GEM: variants seen among roughly 807,000 people sequenced by gnomAD.
The protein encoded by GEM is GTP-binding protein GEM.
Under a neutral mutation model 33.0 loss-of-function variants are expected in GEM, and 31 were observed. The ratio of observed to expected loss-of-function variants is 0.94; its 90% CI spans 0.71 to 1.27. GEM has a LOEUF of 1.27. GEM is among the 50% of genes most tolerant of loss of function. The pLI, the probability that GEM is intolerant of heterozygous loss-of-function variation, is 0.00. For synonymous variants in GEM, 141 were observed against 143.7 expected (o/e 0.98, Z 0.13); for missense variants, 354 against 390.5 (o/e 0.91, Z 0.79).
chr8:94,251,311 G>A (rs1253548409), intron 4 of GEM, among the ~76,000 whole-genome samples: 2 of 151,984 alleles, frequency 1.3e-5, no homozygotes, highest in Middle Eastern at 6.8e-3. Flanking sequence ...TTTTGGTTTG[G>A]AAAAAAAATG....
Position 94,250,356 on chromosome 8 carries a change from G to T in GEM, c.845C>A (p.Ala282Asp), listed in dbSNP as rs372371105. 25 of 1,613,982 alleles carry T rather than the reference G, an allele frequency of 1.5e-5. No homozygotes were observed. Among genetic ancestry groups the T allele is most frequent in the Non-Finnish European group, 2.0e-5 (24 of 1,179,980 alleles). Residue 282 changes from alanine (A) to aspartate (D), a missense_variant, in exon 5 of 5, where the codon GCC becomes GAC. By Grantham distance (126) the Ala-to-Asp change is moderately radical (BLOSUM62 -2). Transcript: ENST00000297596. ...GCAGGATTTGGACTTGAGCTTGAAG[G>T]CCATATTCTTGTTGTTTTTGGCCAC... The part of the protein sequence containing the change: ...KIVAKNNKNM[A>D]FKLKSKSCHD...
intron 3 of GEM, 139 bp from the exon 4 acceptor site, chr8:94,252,362 C>T: frequency 3.1e-6 from 2 of 643,466 alleles, no homozygotes; most frequent in Non-Finnish European, 5.5e-6. Context: ...TCGCTTCCAA[C>T]TCCCTAAAAG....
At chr8:94,252,705 T>G (rs537994511) in intron 3 of GEM, among the ~76,000 whole-genome samples, 40 of 152,302 alleles carry the variant, frequency 2.6e-4, no homozygotes, top group African/African-American at 8.9e-4. Flanking sequence ...AGACTGGTAT[T>G]GAGAATCTCA....
At chr8:94,259,978 C>G in intron 2 of GEM, 195 bp downstream of exon 2, 2 of 505,580 alleles carry the variant, frequency 4.0e-6, no homozygotes, top group Non-Finnish European at 7.0e-6. Flanking sequence ...AGATTTTGGT[C>G]CTGTCTACAA....
chr8:94,251,606 G>C (rs1482321049), intron 4 of GEM, among the ~76,000 whole-genome samples: 3 of 152,190 alleles, frequency 2.0e-5, no homozygotes, highest in East Asian at 3.8e-4. Flanking sequence ...CCAGGGATGG[G>C]GAGTAGGAGA....
intron 2 of GEM, among the ~76,000 whole-genome samples, chr8:94,255,135 T>C (rs1808860082): frequency 6.6e-6 from 1 of 152,100 alleles, no homozygotes; most frequent in Non-Finnish European, 1.5e-5. Flanking sequence ...GGAGGAACTT[T>C]CTCAGCCCAC....
chr8:94,254,897 C>T (rs190549176), intron 2 of GEM, among the ~76,000 whole-genome samples: 12 of 152,296 alleles, frequency 7.9e-5, no homozygotes, highest in African/African-American at 2.9e-4. Context: ...CTGTCTCGCC[C>T]ATCGTGTGCC....
intron 2 of GEM, among the ~76,000 whole-genome samples, chr8:94,258,939 C>G (rs1031596923): frequency 3.3e-5 from 5 of 152,208 alleles, no homozygotes; most frequent in Non-Finnish European, 7.3e-5. Flanking sequence ...CAAAGTGCCT[C>G]TCCCGTTGCA....
intron 2 of GEM, among the ~76,000 whole-genome samples, chr8:94,257,198 G>T (rs1808908607): frequency 6.7e-6 from 1 of 150,226 alleles, no homozygotes; most frequent in Non-Finnish European, 1.5e-5. Context: ...TTTCATTTTT[G>T]AGATGGAGTT....
intron 2 of GEM, among the ~76,000 whole-genome samples, chr8:94,258,820 A>G (rs559959821): frequency 3.9e-5 from 6 of 152,292 alleles, no homozygotes; most frequent in African/African-American, 1.4e-4. Flanking sequence ...CACCTTCCTT[A>G]TTGGGTGATT....
chr8:94,257,240 G>T (rs1270994181), intron 2 of GEM, among the ~76,000 whole-genome samples: 1 of 151,880 alleles, frequency 6.6e-6, no homozygotes, highest in East Asian at 1.9e-4. Flanking sequence ...GAGTGCAATG[G>T]TGAGATCTCG....
chr8:94,252,278 T>G (rs1441299182), intron 3 of GEM, 55 bp from the exon 4 acceptor site: 1 of 1,204,314 alleles, frequency 8.3e-7, no homozygotes, highest in African/African-American at 1.5e-5. Flanking sequence ...GAATAAAGCA[T>G]CAGTTTGCAA....
intron 2 of GEM, among the ~76,000 whole-genome samples, chr8:94,254,712 T>C (rs1289779837): frequency 2.0e-5 from 3 of 152,248 alleles, no homozygotes; most frequent in African/African-American, 7.2e-5. Context: ...CCTGGTTTAA[T>C]GCTTCATCAT....
chr8:94,261,008 G>T (rs563881584), intron 1 of GEM, among the ~76,000 whole-genome samples: 2 of 152,148 alleles, frequency 1.3e-5, no homozygotes, highest in Non-Finnish European at 2.9e-5. Flanking sequence ...GAAACACGTG[G>T]CAATGACATC....
At chr8:94,255,542 C>G (rs1416953137) in intron 2 of GEM, among the ~76,000 whole-genome samples, 1 of 152,154 alleles carries the variant, frequency 6.6e-6, no homozygotes. Flanking sequence ...TGAAGGCTCT[C>G]CCCTAACCAG....
Position 94,262,111 on chromosome 8 carries a change from G to A in GEM, c.-31C>T, listed in dbSNP as rs1428937411. 2 of 152,242 alleles carry A rather than the reference G, an allele frequency of 1.3e-5. No individual in the cohort carries two copies. The highest frequency in any genetic ancestry group is 2.9e-5 in the Non-Finnish European group (2 of 68,092). The allele number at this position is 152,242 out of a possible 1,614,324, so 9.4% of individuals were successfully genotyped here. On this transcript the variant is annotated 5_prime_UTR_variant, in exon 1 of 5. Coordinates refer to ENST00000297596, the MANE Select transcript of GEM (RefSeq NM_005261.4). ...CTACCAGAAAATCCCAGTGCTGAGC[G>A]CACGTTCCAGGGGTTCTTTTCTCAA...
At chr8:94,250,998 C>A (rs879832759) in intron 4 of GEM, among the ~76,000 whole-genome samples, 1 of 152,022 alleles carries the variant, frequency 6.6e-6, no homozygotes, top group Non-Finnish European at 1.5e-5. Flanking sequence ...ATGAAGAAAC[C>A]GAGGGGAGTC....
chr8:94,252,932 C>T (rs1404169074), intron 3 of GEM, 104 bp downstream of exon 3: 2 of 668,220 alleles, frequency 3.0e-6, no homozygotes, highest in Admixed American at 2.6e-5. Context: ...ATGAGCCCAC[C>T]TCATCTGGAA....
At chr8:94,258,084 ATC>A (rs140743888) in intron 2 of GEM, among the ~76,000 whole-genome samples, 27 of 149,234 alleles carry the variant, frequency 1.8e-4, no homozygotes, top group South Asian at 2.1e-4. Flanking sequence ...CATATTGGGC[ATC>A]TCTCTCTCTC....
Sources: gnomAD v4.1 joint callset for allele counts (sites outside exome capture counted in the v4.1 genomes callset) on GRCh38, gnomAD v4.1.1 for gene constraint, MANE v1.5 for transcripts, NCBI Gene and HGNC (gene_info 2026-07-23, HGNC 2026-07-21) for gene names.